Variants in LDLRAD4 observed in about 807,000 individuals in gnomAD.
LDLRAD4 encodes low density lipoprotein receptor class A domain containing 4, also known as low-density lipoprotein receptor class A domain-containing protein 4.
In LDLRAD4, 5 loss-of-function variants were observed where a neutral mutation model predicts 17.0. That is an observed-to-expected ratio of 0.29 (90% CI 0.15 to 0.62). The LOEUF (loss-of-function observed/expected upper bound fraction) is 0.62, where lower values mean the gene tolerates loss of function less well. Ranked by LOEUF, LDLRAD4 falls within the 20% of genes least tolerant of loss-of-function variation. The pLI is 0.84. For synonymous variants in LDLRAD4, 168 were observed against 171.8 expected, an observed-to-expected ratio of 0.98 and a Z score of 0.17; for missense variants, 340 against 424.7, an observed-to-expected ratio of 0.80 and a Z score of 1.75.
rs532325207 is a variant in LDLRAD4, at chr18:13,611,614, T to C, written c.182-9503T>C. 9 of 985,382 alleles carry C rather than the reference T, an allele frequency of 9.1e-6. No homozygotes were observed. The South Asian group carries it at 4.2e-4, about 46-fold the overall frequency. The allele number at this position is 985,382 out of a possible 1,614,324, so 61.0% of individuals were successfully genotyped here. A position where few individuals can be genotyped will look rare whatever the true frequency, so the allele number is the denominator to read the frequency against. On this transcript the variant is annotated intron_variant, in intron 3 of 5. Coordinates refer to ENST00000359446, the Ensembl canonical transcript of LDLRAD4. ...ACATGTCTCTGCTTTCATGTTTGAATTGCCTGGGATTCTGTTCTCTAATTT... is the reference window on the plus strand; with the variant it reads ...ACATGTCTCTGCTTTCATGTTTGAACTGCCTGGGATTCTGTTCTCTAATTT...
At chr18:13,274,355 C>T (rs1230951727), upstream of LDLRAD4, among the ~76,000 whole-genome samples, 2 of 152,196 alleles carry the variant, frequency 1.3e-5, no homozygotes, top group Non-Finnish European at 2.9e-5. Context: ...CCAGTGACCC[C>T]TCCAGTTCCC....
intron 2 of LDLRAD4, among the ~76,000 whole-genome samples, chr18:13,407,781 C>G (rs1171732205): frequency 6.6e-6 from 1 of 152,208 alleles, no homozygotes; most frequent in Non-Finnish European, 1.5e-5. Context: ...CAGCCCTCAC[C>G]ATTGCTTTTA....
chr18:13,544,375 C>T (rs989873346), intron 3 of LDLRAD4, among the ~76,000 whole-genome samples: 1 of 152,246 alleles, frequency 6.6e-6, no homozygotes, highest in African/African-American at 2.4e-5. Context: ...TCCTCCCCAC[C>T]TCCTGGGCAG....
chr18:13,440,656 T>C lies in LDLRAD4; in HGVS notation c.181+2272T>C, dbSNP rs1483476585. Among the ~76,000 whole-genome samples the C allele has an allele frequency of 6.6e-6, 1 of 152,102 alleles. No individual in the cohort carries two copies. Among genetic ancestry groups the C allele is most frequent in the Non-Finnish European group, 1.5e-5 (1 of 68,018 alleles). On this transcript the variant is annotated intron_variant, in intron 3 of 5. Transcript: ENST00000359446. The surrounding 1 kb of genome is among the most constrained non-coding windows in gnomAD (Gnocchi z 4.4). ...AGGGGAGTGACAGCTCCTTTCAGCT[T>C]GGTTTCTCTCCCTGTGGAACAGGCA...
chr18:13,535,298 G>C (rs78677614), intron 3 of LDLRAD4, among the ~76,000 whole-genome samples: 24 of 152,116 alleles, frequency 1.6e-4, no homozygotes, highest in African/African-American at 5.1e-4. Flanking sequence ...AATGAATGGG[G>C]GTTCTGATTG....
intron 3 of LDLRAD4, among the ~76,000 whole-genome samples, chr18:13,479,784 A>G (rs1204244128): frequency 6.6e-6 from 1 of 152,222 alleles, no homozygotes; most frequent in African/African-American, 2.4e-5. Context: ...TTTAATAGAC[A>G]CCTCACCAAA....
At chr18:13,572,183 C>T (rs779756407) in intron 3 of LDLRAD4, among the ~76,000 whole-genome samples, 3 of 152,336 alleles carry the variant, frequency 2.0e-5, no homozygotes, top group South Asian at 2.1e-4. Context: ...TTTACATGAA[C>T]CTATCGGCAG....
chr18:13,640,920 T>C (rs988207463), intron 4 of LDLRAD4, among the ~76,000 whole-genome samples: 1 of 152,178 alleles, frequency 6.6e-6, no homozygotes, highest in African/African-American at 2.4e-5. Context: ...GTGTCACGCA[T>C]GTAGGTCTGG....
intron 3 of LDLRAD4, among the ~76,000 whole-genome samples, chr18:13,572,179 T>C (rs1430988627): frequency 6.6e-6 from 1 of 152,270 alleles, no homozygotes; most frequent in Non-Finnish European, 1.5e-5. Flanking sequence ...GCAGTTTACA[T>C]GAACCTATCG....
In LDLRAD4 at chr18:13,439,983, G is replaced by A. The variant is rs553969054; in HGVS notation, c.181+1599G>A. Among the ~76,000 whole-genome samples, 16 of 152,320 alleles carry A rather than the reference G, an allele frequency of 1.1e-4. No individual in the cohort carries two copies. The South Asian group carries it at 1.4e-3, about 14-fold the overall frequency. ...GCACTTAGAGCAGCATATTCCAGGC[G>A]CTAAGCACTCAAGATTACCTCAACC... On this transcript the variant is annotated intron_variant, in intron 3 of 5. Coordinates refer to ENST00000359446, the Ensembl canonical transcript of LDLRAD4.
At chr18:13,505,168 C>A (rs1357109703) in intron 3 of LDLRAD4, among the ~76,000 whole-genome samples, 1 of 152,208 alleles carries the variant, frequency 6.6e-6, no homozygotes, top group African/African-American at 2.4e-5. Flanking sequence ...GAGCTGGTTA[C>A]CCACAAGCGA....
At chr18:13,504,621 T>C (rs1042887075) in intron 3 of LDLRAD4, among the ~76,000 whole-genome samples, 3 of 152,046 alleles carry the variant, frequency 2.0e-5, no homozygotes, top group Non-Finnish European at 4.4e-5. Flanking sequence ...AGAGATGGGG[T>C]TTCACTATGT....
At chr18:13,231,062 A>C (rs1274776796) in intron 1 of LDLRAD4, among the ~76,000 whole-genome samples, 2 of 152,204 alleles carry the variant, frequency 1.3e-5, no homozygotes, top group Non-Finnish European at 2.9e-5. Context: ...GGTGAAGCTC[A>C]TTCCTGATGT....
At chr18:13,386,891 CATAG>C (rs71174169) in intron 1 of LDLRAD4, among the ~76,000 whole-genome samples, 27,344 of 146,356 alleles carry the variant, frequency 0.19, 2,580 homozygotes, top group East Asian at 0.22. Flanking sequence ...CCCTGTCATT[CATAG>C]ATAGATAGAT....
chr18:13,272,903 A>G (rs988457047), intron 1 of LDLRAD4, among the ~76,000 whole-genome samples: 4 of 152,196 alleles, frequency 2.6e-5, no homozygotes, highest in African/African-American at 7.2e-5. Flanking sequence ...AGACGCACCT[A>G]TGGTCAGTCT....
chr18:13,223,370 C>T (rs551190711), intron 1 of LDLRAD4, among the ~76,000 whole-genome samples: 4 of 152,362 alleles, frequency 2.6e-5, no homozygotes, highest in African/African-American at 9.6e-5. Context: ...CGAGGACCCT[C>T]TGCAGATGTG....
At chr18:13,612,845 G>T (rs1404380268) in intron 3 of LDLRAD4, 1 of 1,587,296 alleles carries the variant, frequency 6.3e-7, no homozygotes, top group Admixed American at 1.7e-5. Flanking sequence ...CTTGGAGTTT[G>T]GTCTGAGGAC....
chr18:13,395,135 T>C (rs181565231), intron 2 of LDLRAD4, among the ~76,000 whole-genome samples: 2 of 152,250 alleles, frequency 1.3e-5, no homozygotes, highest in Admixed American at 1.3e-4. Context: ...TGAAGTGCAC[T>C]CTTTACCACA....
intron 1 of LDLRAD4, among the ~76,000 whole-genome samples, chr18:13,355,706 A>T (rs969996254): frequency 1.9e-4 from 29 of 152,232 alleles, no homozygotes; most frequent in Admixed American, 1.3e-3. Context: ...ATTACAGCTC[A>T]CTGCAGCCTC....
Sources: allele counts gnomAD v4.1 joint callset (sites outside exome capture counted in the v4.1 genomes callset), GRCh38; gene constraint gnomAD v4.1.1; non-coding constraint Gnocchi (gnomAD v3.1); transcripts MANE v1.5; gene names NCBI Gene and HGNC (gene_info 2026-07-23, HGNC 2026-07-21).